The following LECT2 variants were observed in gnomAD, a reference collection of about 807,000 sequenced individuals.
LECT2 encodes leukocyte cell derived chemotaxin 2, also known as leukocyte cell-derived chemotaxin-2.
In LECT2, 11 loss-of-function variants were observed where a neutral mutation model predicts 16.6. That is an observed-to-expected ratio of 0.66 (90% CI 0.42 to 1.09). LECT2 has a LOEUF of 1.09. LECT2 is among the 50% of genes least tolerant of loss of function. The pLI, the probability that LECT2 is intolerant of heterozygous loss-of-function variation, is 0.00. For missense variants in LECT2, 173 were observed against 184.2 expected, an observed-to-expected ratio of 0.94 and a Z score of 0.35; for synonymous variants, 54 against 64.8, an observed-to-expected ratio of 0.83 and a Z score of 0.80.
intron 2 of LECT2, chr5:135,951,598 G>T (rs188482317): frequency 2.3e-4 from 103 of 454,574 alleles, no homozygotes; most frequent in African/African-American, 1.7e-3. Flanking sequence ...AATGGTACTT[G>T]GTACATAATA....
At chr5:135,948,726 G>A (rs186473990) in intron 3 of LECT2, among the ~76,000 whole-genome samples, 53 of 151,020 alleles carry the variant, frequency 3.5e-4, no homozygotes, top group African/African-American at 1.2e-3. Flanking sequence ...CCAGGCTGGA[G>A]TGCAGTGGCG....
chr5:135,948,774 A>T (rs1763741732), intron 3 of LECT2, among the ~76,000 whole-genome samples: 2 of 151,574 alleles, frequency 1.3e-5, no homozygotes, highest in African/African-American at 4.8e-5. Flanking sequence ...TCCCGGGTTC[A>T]CGCCATTCTC....
chr5:135,950,360 T>C (rs1763772482), intron 3 of LECT2, among the ~76,000 whole-genome samples: 1 of 152,218 alleles, frequency 6.6e-6, no homozygotes, highest in African/African-American at 2.4e-5. Context: ...GCTGTTTAAT[T>C]CTATTTATAC....
intron 3 of LECT2, among the ~76,000 whole-genome samples, chr5:135,950,564 T>C (rs192380351): frequency 7.9e-5 from 12 of 152,342 alleles, no homozygotes; most frequent in African/African-American, 2.9e-4. Flanking sequence ...GGATGTGTTG[T>C]GCACTTTTAT....
rs1763786097 is a variant in LECT2 at position 135,951,055 on chromosome 5, G to GT, written c.289+167dup. 7 of 664,320 alleles carry GT rather than the reference G, an allele frequency of 1.1e-5. No homozygotes were observed. In the Admixed American group the frequency reaches 1.5e-4, roughly 14 times the overall value. The allele number at this position is 664,320 out of a possible 1,614,324, so 41.2% of individuals were successfully genotyped here. A position where few individuals can be genotyped will look rare whatever the true frequency, so the allele number is the denominator to read the frequency against. The stretch of plus-strand genomic sequence containing the variant: ...ATGTACCCCTGAACCTAAAATAAAA[G>GT]TTTTTTAAAAAATGCATCAGCTAGT... On this transcript the variant is annotated intron_variant, in intron 3 of 3. Transcript: ENST00000274507.
At chr5:135,954,575 A>G (rs1763834993) in intron 1 of LECT2, among the ~76,000 whole-genome samples, 2 of 152,198 alleles carry the variant, frequency 1.3e-5, no homozygotes, top group South Asian at 4.1e-4. Flanking sequence ...TCAACCCACT[A>G]TTATGTTTCC....
chr5:135,951,651 G>A (rs895600140), intron 2 of LECT2: 1 of 314,434 alleles, frequency 3.2e-6, no homozygotes, highest in Non-Finnish European at 5.8e-6. Flanking sequence ...ATGGCATGTT[G>A]GGGGAATGAG....
intron 2 of LECT2, among the ~76,000 whole-genome samples, chr5:135,952,222 G>C (rs1763805546): frequency 6.6e-6 from 1 of 152,214 alleles, no homozygotes; most frequent in Non-Finnish European, 1.5e-5. Flanking sequence ...AGTAGTATCT[G>C]TATATGTGAG....
At chr5:135,949,879 A>G (rs1021252064) in intron 3 of LECT2, among the ~76,000 whole-genome samples, 1 of 152,240 alleles carries the variant, frequency 6.6e-6, no homozygotes, top group Non-Finnish European at 1.5e-5. Flanking sequence ...CTGAGTCACC[A>G]TGATTACTAG....
chr5:135,952,464 G>A (rs1166381019), intron 2 of LECT2, among the ~76,000 whole-genome samples: 1 of 152,202 alleles, frequency 6.6e-6, no homozygotes. Context: ...GGAACCAAAA[G>A]CCTGAATTCA....
At chr5:135,950,822 T>C in intron 3 of LECT2, 1 of 238,934 alleles carries the variant, frequency 4.2e-6, no homozygotes. Context: ...CAGGAAGGAA[T>C]GCCTCCAATC....
chr5:135,951,410 A>G, intron 2 of LECT2, 42 bp from the exon 3 acceptor site: 14 of 1,580,236 alleles, frequency 8.9e-6, no homozygotes, highest in Non-Finnish European at 1.2e-5. Context: ...GAACTGCCTT[A>G]GGGGAGCTTT....
chr5:135,952,667 T>C (rs977267572), intron 2 of LECT2, among the ~76,000 whole-genome samples: 2 of 152,234 alleles, frequency 1.3e-5, no homozygotes. Flanking sequence ...TTTTCCTTCT[T>C]CCACATTCTG....
intron 1 of LECT2, chr5:135,953,230 T>C: frequency 2.8e-6 from 1 of 354,076 alleles, no homozygotes; most frequent in Non-Finnish European, 5.2e-6. Context: ...TGGATCGGAG[T>C]CTCACTCTGT....
At position 135,952,884 on chromosome 5, in the gene LECT2, A is replaced by G. The variant is rs1435747464; in HGVS notation, c.130T>C (p.Tyr44His). 1.9e-6 allele frequency: 3 copies of G among 1,612,846 alleles called. No individual in the cohort carries two copies. Among genetic ancestry groups the G allele is most frequent in the African/African-American group, 2.7e-5 (2 of 74,926 alleles). Residue 44 changes from tyrosine (Y) to histidine (H), a missense_variant, in exon 2 of 4, where the codon TAC becomes CAC. Physicochemically the swap from Tyr to His is moderately conservative, Grantham distance 83. Coordinates refer to ENST00000274507, the MANE Select transcript of LECT2 (RefSeq NM_002302.3). ...GCAACTTCATACCTTTGAGCAGAGT[A>G]CTGTCCACAGCCATGGCGGTCACAC... ...RTCDRHGCGQ[Y>H]SAQRSQRPHQ...
chr5:135,953,391 G>A (rs180684085), intron 1 of LECT2, among the ~76,000 whole-genome samples: 4 of 152,096 alleles, frequency 2.6e-5, no homozygotes, highest in Admixed American at 1.3e-4. Flanking sequence ...TAGTAGAGAC[G>A]GAGTTTCACC....
chr5:135,953,121 T>TTTTA, intron 1 of LECT2, 154 bp from the exon 2 acceptor site: 1 of 569,806 alleles, frequency 1.8e-6, no homozygotes, highest in Admixed American at 3.2e-5. Context: ...CCTTCCAGAA[T>TTTTA]TTTATTTCCT....
chr5:135,951,811 T>C lies in LECT2; in HGVS notation c.144-443A>G, dbSNP rs573685245. On this transcript the variant is annotated intron_variant, in intron 2 of 3. Transcript: ENST00000274507. ...TCTTGCAGTGATCTAGAAAAGTGAT[T>C]GTAAACGTCACTTACTGTATATGGT... is the stretch of plus-strand genomic sequence containing the variant. Among the ~76,000 whole-genome samples, 11 of 152,302 alleles carry C rather than the reference T, an allele frequency of 7.2e-5. 1 individual carries two copies. In the Middle Eastern group the frequency reaches 0.014, roughly 188 times the overall value.
intron 3 of LECT2, among the ~76,000 whole-genome samples, chr5:135,948,651 ATT>A: frequency 1.4e-5 from 2 of 142,342 alleles, no homozygotes; most frequent in Middle Eastern, 7.1e-3. Flanking sequence ...CTACTAGAAA[ATT>A]TAAAATAATA....
Sources: gnomAD v4.1 joint callset for allele counts (sites outside exome capture counted in the v4.1 genomes callset) on GRCh38, gnomAD v4.1.1 for gene constraint, MANE v1.5 for transcripts, NCBI Gene and HGNC (gene_info 2026-07-23, HGNC 2026-07-21) for gene names.